The following ASPDH variants were observed in gnomAD, a reference collection of about 807,000 sequenced individuals.
The protein encoded by ASPDH is aspartate dehydrogenase domain-containing protein.
Under a neutral mutation model 30.5 loss-of-function variants are expected in ASPDH, and 25 were observed. The observed-to-expected ratio is 0.82, with a 90% CI of 0.60 to 1.14. The LOEUF (loss-of-function observed/expected upper bound fraction) is 1.14. ASPDH is among the 50% of genes most tolerant of loss of function. The pLI, the probability that ASPDH is intolerant of heterozygous loss-of-function variation, is 0.00. For missense variants in ASPDH, 401 were observed against 381.5 expected, an observed-to-expected ratio of 1.05 and a Z score of -0.43; for synonymous variants, 168 against 156.3, an observed-to-expected ratio of 1.07 and a Z score of -0.56.
Position 50,513,515 on chromosome 19 carries a change from T to TGGGGACAGAGACCCAGAGAGAGAGGAGGA in ASPDH, c.53-100_53-99insTCCTCCTCTCTCTCTGGGTCTCTGTCCCC. Reference sequence around the variant, plus strand: ...GACAGAGACCCAGAGAGAGAGGAGGTGGGGACAGACTCAGATTGCGGGGTA... The same window carrying TGGGGACAGAGACCCAGAGAGAGAGGAGGA: ...GACAGAGACCCAGAGAGAGAGGAGGTGGGGACAGAGACCCAGAGAGAGAGGAGGAGGGGACAGACTCAGATTGCGGGGTA... On this transcript the variant is annotated intron_variant, in intron 1 of 6. Transcript: ENST00000389208. This position sits in a 1 kb window ranked among gnomAD's most constrained non-coding sequence, Gnocchi z 4.9. 1 of 1,222,614 alleles carries TGGGGACAGAGACCCAGAGAGAGAGGAGGA rather than the reference T, an allele frequency of 8.2e-7. No homozygotes were observed. The highest frequency in any genetic ancestry group is 1.1e-6 in the Non-Finnish European group (1 of 919,568). 75.7% of individuals were successfully genotyped at this position (1,222,614 alleles called of 1,614,324 possible).
chr19:50,512,144 C>T lies in ASPDH; in HGVS notation c.800G>A (p.Ser267Asn), dbSNP rs1391202100. 2.6e-6 allele frequency: 4 copies of T among 1,557,360 alleles called. No individual in the cohort carries two copies. In the African/African-American group the frequency reaches 5.4e-5, roughly 21 times the overall value. Residue 267 changes from serine to asparagine, a missense_variant, in exon 6 of 7, where the codon AGC becomes AAC. Physicochemically the swap from Ser to Asn is conservative, Grantham distance 46. Coordinates refer to ENST00000389208, the MANE Select transcript of ASPDH (RefSeq NM_001114598.2). ...GSATVTAFWQ[S>N]LLACCQLPSR... is the part of the protein sequence containing the mutation. Reference sequence around the variant, plus strand: ...GAGGGGCCTGGCCGCACCCAGGAGGCTCTGCCAGAAGGCCGTGACGGTGGC... The same window carrying T: ...GAGGGGCCTGGCCGCACCCAGGAGGTTCTGCCAGAAGGCCGTGACGGTGGC...
chr19:50,513,378 C>G lies in ASPDH; in HGVS notation c.91G>C (p.Glu31Gln), dbSNP rs1980081330. Residue 31 changes from glutamate to glutamine, a missense_variant, in exon 2 of 7, where the codon GAA becomes CAA. Transcript: ENST00000389208. The surrounding 1 kb of genome is among the most constrained non-coding windows in gnomAD (Gnocchi z 4.9). ...ACAAAAACAAGTTCTAGGCCAAGTTCTGGTCCCTGAGCCAAGAGGCGGGAG... is the reference window on the plus strand; with the variant it reads ...ACAAAAACAAGTTCTAGGCCAAGTTGTGGTCCCTGAGCCAAGAGGCGGGAG... ...LVSRLLAQGP[E>Q]LGLELVFVWN... The G allele has an allele frequency of 6.5e-7, 1 of 1,537,224 alleles. No individual in the cohort carries two copies. Among genetic ancestry groups the G allele is most frequent in the Admixed American group, 2.1e-5 (1 of 48,388 alleles).
Position 50,511,774 on chromosome 19 carries a change from C to T in ASPDH, c.809-1G>A. The stretch of plus-strand genomic sequence containing the variant: ...GGCCTGGAGGGGAGCTGGCAGCAGG[C>T]TGCGGGGAGAGGGGAATGAGCGAAT... On this transcript the variant is annotated splice_acceptor_variant, in intron 6 of 6. Coordinates refer to ENST00000389208, the MANE Select transcript of ASPDH (RefSeq NM_001114598.2). LOFTEE classifies it high-confidence loss of function. 1 of 1,308,058 alleles carries T rather than the reference C, an allele frequency of 7.6e-7. No individual in the cohort carries two copies. Among genetic ancestry groups the T allele is most frequent in the South Asian group, 2.6e-5 (1 of 38,648 alleles). The allele number at this position is 1,308,058 out of a possible 1,614,324, so 81.0% of individuals were successfully genotyped here.
upstream of ASPDH, chr19:50,514,716 C>G: frequency 7.0e-7 from 1 of 1,429,994 alleles, no homozygotes; most frequent in Non-Finnish European, 9.2e-7. Context: ...CCAGCCACCA[C>G]CTGGTACCCG....
At chr19:50,514,142 C>T (rs563640756), upstream of ASPDH, among the ~76,000 whole-genome samples, 1 of 152,302 alleles carries the variant, frequency 6.6e-6, no homozygotes, top group South Asian at 2.1e-4. Context: ...CTCTGCAGTC[C>T]CCTGCCCCCT....
In ASPDH at chr19:50,512,155, G is replaced by C; in HGVS notation, c.789C>G (p.Ala263=). ...GAVTGSATVT[A]FWQSLLACCQ... Reference sequence around the variant, plus strand: ...CCGCACCCAGGAGGCTCTGCCAGAAGGCCGTGACGGTGGCGGAGCCGGTGA... The same window carrying C: ...CCGCACCCAGGAGGCTCTGCCAGAACGCCGTGACGGTGGCGGAGCCGGTGA... The change falls in exon 6 of 7, where the codon GCC becomes GCG. Residue 263 remains alanine, a synonymous_variant. Coordinates refer to ENST00000389208, the MANE Select transcript of ASPDH (RefSeq NM_001114598.2). 6.4e-7 allele frequency: 1 copy of C among 1,572,934 alleles called. No homozygotes were observed. Among genetic ancestry groups the C allele is most frequent in the Non-Finnish European group, 8.6e-7 (1 of 1,164,572 alleles).
chr19:50,514,566 TC>T (rs1197828915), upstream of ASPDH: 2 of 1,613,488 alleles, frequency 1.2e-6, no homozygotes. Flanking sequence ...TCCCTCCCGT[TC>T]CCCAGCTCGC....
Position 50,512,725 on chromosome 19 carries a change from A to G in ASPDH, c.368T>C (p.Val123Ala), listed in dbSNP as rs1250615162. 2 of 1,553,186 alleles carry G rather than the reference A, an allele frequency of 1.3e-6. No homozygotes were observed. Among genetic ancestry groups the G allele is most frequent in the Non-Finnish European group, 1.7e-6 (2 of 1,148,212 alleles). Residue 123 changes from valine (V) to alanine (A), a missense_variant, in exon 4 of 7, where the codon GTG becomes GCG. Val to Ala is a moderately conservative substitution (Grantham distance 64). Transcript: ENST00000389208. Reference sequence around the variant, plus strand: ...AGCGCCCCACAGGGCCCCTCGGGCCACAAACACGGCGTGGTCCCAGTGCTG... The same window carrying G: ...AGCGCCCCACAGGGCCCCTCGGGCCGCAAACACGGCGTGGTCCCAGTGCTG... ...ASQHWDHAVFVARGALWGAED... is the reference protein window; with the variant it reads ...ASQHWDHAVFAARGALWGAED...
At chr19:50,514,330 G>A, upstream of ASPDH, 1 of 1,144,656 alleles carries the variant, frequency 8.7e-7, no homozygotes, top group Non-Finnish European at 1.3e-6. Context: ...CCCAGAGGCA[G>A]CGGGAGCCCT....
In ASPDH at chr19:50,512,198, GGGTTCTCTCTGCGGGTGTGCAC is replaced by G. The variant is rs1244165352; in HGVS notation, c.724_745del (p.Val242LeufsTer71). ...GCCGGTGACCGCGCCTGGCTCGGCAGGGTTCTCTCTGCGGGTGTGCACAGCAAAGCTTCGGCCCGTGGGGCCC... is the reference window on the plus strand; with the variant it reads ...GCCGGTGACCGCGCCTGGCTCGGCAGAGCAAAGCTTCGGCCCGTGGGGCCC... On this transcript the variant is annotated frameshift_variant, in exon 6 of 7. Coordinates refer to ENST00000389208, the MANE Select transcript of ASPDH (RefSeq NM_001114598.2). LOFTEE classifies it high-confidence loss of function. 2 of 1,608,376 alleles carry G rather than the reference GGGTTCTCTCTGCGGGTGTGCAC, an allele frequency of 1.2e-6. No individual in the cohort carries two copies. The highest frequency in any genetic ancestry group is 2.2e-5 in the South Asian group (2 of 90,666).
In ASPDH at chr19:50,512,345, C is replaced by G; in HGVS notation, c.653+15G>C. 1 of 1,613,920 alleles carries G rather than the reference C, an allele frequency of 6.2e-7. No homozygotes were observed. On this transcript the variant is annotated intron_variant, in intron 5 of 6. Transcript: ENST00000389208. ...AGCCTGGACTCAGCCCAACACCCTG[C>G]TTAGCTCTGCTCACCTGGTATCAGC...
In ASPDH at chr19:50,512,476, A is replaced by G; in HGVS notation, c.537T>C (p.Pro179=). ...PGPCTVLYEG[P]VRGLCPFAPR... ...GGGCAAAGGGGCAGAGCCCACGGAC[A>G]GGGCCTTCGTAGAGCACAGTGCAAG... The change falls in exon 5 of 7, where the codon CCT becomes CCC. Residue 179 remains proline (P), a synonymous_variant. Coordinates refer to ENST00000389208, the MANE Select transcript of ASPDH (RefSeq NM_001114598.2). The G allele has an allele frequency of 6.3e-7, 1 of 1,592,656 alleles. No homozygotes were observed. The highest frequency in any genetic ancestry group is 1.2e-5 in the South Asian group (1 of 86,722).
At chr19:50,514,782 A>G, upstream of ASPDH, 2 of 1,022,942 alleles carry the variant, frequency 2.0e-6, no homozygotes, top group African/African-American at 1.7e-5. Flanking sequence ...GGAGAGAAAG[A>G]GAGCGTGAAC....
intron 5 of ASPDH, 21 bp downstream of exon 5, chr19:50,512,339 A>T: frequency 2.5e-6 from 4 of 1,613,722 alleles, no homozygotes; most frequent in Non-Finnish European, 3.4e-6. Flanking sequence ...TCAGCCCAAC[A>T]CCCTGCTTAG....
At chr19:50,514,805 T>TGGG, upstream of ASPDH, 1 of 311,156 alleles carries the variant, frequency 3.2e-6, no homozygotes, top group Non-Finnish European at 4.1e-6. Flanking sequence ...GAGCATGGGG[T>TGGG]GGGGGGGGCG....
At position 50,512,987 on chromosome 19, in the gene ASPDH, C is replaced by A; in HGVS notation, c.222G>T (p.Val74=). 2.5e-6 allele frequency: 4 copies of A among 1,613,622 alleles called. No individual in the cohort carries two copies. Among genetic ancestry groups the A allele is most frequent in the Non-Finnish European group, 3.4e-6 (4 of 1,179,820 alleles). The change falls in exon 3 of 7, where the codon GTG becomes GTT. Residue 74 remains valine (V), a synonymous_variant. Coordinates refer to ENST00000389208, the MANE Select transcript of ASPDH (RefSeq NM_001114598.2). The part of the protein sequence containing the change: ...GERRPDLVVE[V]AHPKIIHESG... ...ATTCATGGATTATTTTGGGATGGGCCACTTCCACAACCAGATCAGGGCGCC... is the reference window on the plus strand; with the variant it reads ...ATTCATGGATTATTTTGGGATGGGCAACTTCCACAACCAGATCAGGGCGCC...
rs945905918 is a variant in ASPDH at position 50,513,878 on chromosome 19, C to T, written c.-55G>A. On this transcript the variant is annotated 5_prime_UTR_variant, in exon 1 of 7. Coordinates refer to ENST00000389208, the MANE Select transcript of ASPDH (RefSeq NM_001114598.2). The surrounding 1 kb of genome is among the most constrained non-coding windows in gnomAD (Gnocchi z 4.9). ...TCCCTGGGCTGCTCGCTGCCCGCTGCACAAGGCCTGGGCAGCCGCTGCTCT... is the reference window on the plus strand; with the variant it reads ...TCCCTGGGCTGCTCGCTGCCCGCTGTACAAGGCCTGGGCAGCCGCTGCTCT... The T allele has an allele frequency of 4.4e-5, 67 of 1,534,376 alleles. No homozygotes were observed. The highest frequency in any genetic ancestry group is 5.9e-5 in the Non-Finnish European group (67 of 1,139,482).
chr19:50,513,502 G>A lies in ASPDH; in HGVS notation c.53-86C>T. 7.5e-7 allele frequency: 1 copy of A among 1,337,530 alleles called. No individual in the cohort carries two copies. Among genetic ancestry groups the A allele is most frequent in the Non-Finnish European group, 1.0e-6 (1 of 1,002,342 alleles). The allele number at this position is 1,337,530 out of a possible 1,614,324, so 82.9% of individuals were successfully genotyped here. ...GAGAGGAGGTGGGGACAGAGACCCA[G>A]AGAGAGAGGAGGTGGGGACAGACTC... On this transcript the variant is annotated intron_variant, in intron 1 of 6. Coordinates refer to ENST00000389208, the MANE Select transcript of ASPDH (RefSeq NM_001114598.2). The surrounding 1 kb of genome is among the most constrained non-coding windows in gnomAD (Gnocchi z 4.9).
At position 50,513,867 on chromosome 19, in the gene ASPDH, G is replaced by A. The variant is rs891672962; in HGVS notation, c.-44C>T. On this transcript the variant is annotated 5_prime_UTR_variant, in exon 1 of 7. Coordinates refer to ENST00000389208, the MANE Select transcript of ASPDH (RefSeq NM_001114598.2). The surrounding 1 kb of genome is among the most constrained non-coding windows in gnomAD (Gnocchi z 4.9). ...TGGGGCCTGGCTCCCTGGGCTGCTC[G>A]CTGCCCGCTGCACAAGGCCTGGGCA... The A allele has an allele frequency of 4.0e-5, 61 of 1,539,530 alleles. No homozygotes were observed. Among genetic ancestry groups the A allele is most frequent in the Non-Finnish European group, 4.8e-5 (55 of 1,142,038 alleles).
Sources: allele counts gnomAD v4.1 joint callset (sites outside exome capture counted in the v4.1 genomes callset), GRCh38; gene constraint gnomAD v4.1.1; non-coding constraint Gnocchi (gnomAD v3.1); transcripts MANE v1.5; gene names NCBI Gene and HGNC (gene_info 2026-07-23, HGNC 2026-07-21).